SPP2: variants seen among roughly 807,000 people sequenced by gnomAD.
SPP2 encodes secreted phosphoprotein 24.
Under a neutral mutation model 28.8 loss-of-function variants are expected in SPP2, and 34 were observed. The observed-to-expected ratio is 1.18, with a 90% confidence interval of 0.90 to 1.57. SPP2 has a LOEUF of 1.57. Ranked by LOEUF, SPP2 falls within the 40% of genes most tolerant of loss-of-function variation. SPP2 has a pLI of 0.00. For missense variants in SPP2, 269 were observed against 263.9 expected, an observed-to-expected ratio of 1.02 and a Z score of -0.13; for synonymous variants, 96 against 89.4, an observed-to-expected ratio of 1.07 and a Z score of -0.42.
chr2:234,069,942 G>A lies in SPP2; in HGVS notation c.565G>A (p.Val189Ile), dbSNP rs993016427. 6.2e-6 allele frequency: 10 copies of A among 1,613,006 alleles called. No homozygotes were observed. The highest frequency in any genetic ancestry group is 8.5e-6 in the Non-Finnish European group (10 of 1,179,334). ...YDRSLGIMRR[V>I]LPPGNRRYPN... ...TCTATCTTTAGGGATCATGAGAAGG[G>A]TATTGCCTCCTGGAAACAGAAGGTA... is the stretch of plus-strand genomic sequence containing the variant. The change falls in exon 7 of 8, where the codon GTA becomes ATA. Residue 189 changes from valine (V) to isoleucine (I), a missense_variant. Transcript: ENST00000168148.
At chr2:234,072,028 A>T (rs768670654) in intron 7 of SPP2, among the ~76,000 whole-genome samples, 3 of 152,242 alleles carry the variant, frequency 2.0e-5, no homozygotes, top group African/African-American at 4.8e-5. Flanking sequence ...TTCAACTGCC[A>T]CTGTCCCGCA....
intron 4 of SPP2, among the ~76,000 whole-genome samples, chr2:234,065,818 T>C (rs1693808227): frequency 6.6e-6 from 1 of 152,368 alleles, no homozygotes; most frequent in Admixed American, 6.5e-5. Flanking sequence ...TTTTGTTTTG[T>C]TGTTTCTGTA....
intron 2 of SPP2, among the ~76,000 whole-genome samples, chr2:234,056,523 T>G (rs1213612640): frequency 1.3e-5 from 2 of 152,190 alleles, no homozygotes; most frequent in African/African-American, 4.8e-5. Context: ...CAAAAGAGGT[T>G]GCAAAGTTAT....
In SPP2 at chr2:234,066,628, T is replaced by C. The variant is rs752056584; in HGVS notation, c.499+41T>C. 3.4e-6 allele frequency: 5 copies of C among 1,464,316 alleles called. No homozygotes were observed. The South Asian group carries it at 4.7e-5, about 14-fold the overall frequency. The allele number at this position is 1,464,316 out of a possible 1,614,324, so 90.7% of individuals were successfully genotyped here. ...TTCTTTTTAACTTTTTTTCTTAAAA[T>C]AACTCCATATTGCAACTCTTTGTTA... is the stretch of plus-strand genomic sequence containing the variant. On this transcript the variant is annotated intron_variant, in intron 5 of 7. Coordinates refer to ENST00000168148, the MANE Select transcript of SPP2 (RefSeq NM_006944.3).
intron 4 of SPP2, among the ~76,000 whole-genome samples, chr2:234,063,122 G>A (rs1310079846): frequency 8.6e-5 from 13 of 151,958 alleles, no homozygotes; most frequent in Admixed American, 8.5e-4. Flanking sequence ...GCATGAAACA[G>A]AGAAGAAATG....
intron 6 of SPP2, among the ~76,000 whole-genome samples, chr2:234,067,507 G>A (rs999809166): frequency 1.3e-5 from 2 of 152,168 alleles, no homozygotes; most frequent in African/African-American, 4.8e-5. Context: ...GCCGGGCGCG[G>A]TGGCTCACGC....
chr2:234,068,126 G>T (rs1210746914), intron 6 of SPP2, among the ~76,000 whole-genome samples: 3 of 152,098 alleles, frequency 2.0e-5, no homozygotes, highest in Non-Finnish European at 4.4e-5. Flanking sequence ...TGGTCCTCAT[G>T]ATAGCCCTGT....
Position 234,077,117 on chromosome 2 carries a change from G to A in SPP2, c.*283G>A, listed in dbSNP as rs182771072. The A allele has an allele frequency of 6.6e-6, 1 of 152,266 alleles. No homozygotes were observed. The highest frequency in any genetic ancestry group is 1.5e-5 in the Non-Finnish European group (1 of 68,020). 9.4% of individuals were successfully genotyped at this position (152,266 alleles called of 1,614,324 possible). A position where few individuals can be genotyped will look rare whatever the true frequency, so the allele number is the denominator to read the frequency against. Reference sequence around the variant, plus strand: ...TGATCAGTTTCAATCTGTAATAAATGCCTTATTTTTCCTGTAAGACTTTTT... The same window carrying A: ...TGATCAGTTTCAATCTGTAATAAATACCTTATTTTTCCTGTAAGACTTTTT... On this transcript the variant is annotated 3_prime_UTR_variant, in exon 8 of 8. Coordinates refer to ENST00000168148, the MANE Select transcript of SPP2 (RefSeq NM_006944.3).
intron 5 of SPP2, 98 bp from the exon 6 acceptor site, chr2:234,067,126 T>C: frequency 8.6e-7 from 1 of 1,164,130 alleles, no homozygotes. Flanking sequence ...TCACTGCTTC[T>C]TTGCTTAAGA....
chr2:234,060,047 G>A (rs1193254430), intron 3 of SPP2, among the ~76,000 whole-genome samples: 1 of 152,222 alleles, frequency 6.6e-6, no homozygotes, highest in South Asian at 2.1e-4. Context: ...AAGAAGAAGA[G>A]AGTGAAGTCC....
At chr2:234,057,445 C>T (rs1693631907) in intron 2 of SPP2, among the ~76,000 whole-genome samples, 1 of 152,212 alleles carries the variant, frequency 6.6e-6, no homozygotes, top group Non-Finnish European at 1.5e-5. Flanking sequence ...AATTTGCCTT[C>T]CTTGGGAGGA....
chr2:234,052,580 C>T (rs1279240410), intron 2 of SPP2, among the ~76,000 whole-genome samples: 1 of 152,164 alleles, frequency 6.6e-6, no homozygotes. Context: ...TATAGTCACC[C>T]AGACTTGAGC....
At chr2:234,055,119 A>G (rs1693580152) in intron 2 of SPP2, among the ~76,000 whole-genome samples, 1 of 150,530 alleles carries the variant, frequency 6.6e-6, no homozygotes, top group South Asian at 2.2e-4. Context: ...GCATACATAT[A>G]TAAATGGATG....
rs1693659769 is a variant in SPP2, at chr2:234,058,831, T to C, written c.211-5T>C. 6.2e-7 allele frequency: 1 copy of C among 1,611,388 alleles called. No individual in the cohort carries two copies. Among genetic ancestry groups the C allele is most frequent in the African/African-American group, 1.3e-5 (1 of 74,806 alleles). Reference sequence around the variant, plus strand: ...ATCACACTCTGAAACTTTATTTTTGTGAAGGTTGAGGTCCTAGATGAGAAC... The same window carrying C: ...ATCACACTCTGAAACTTTATTTTTGCGAAGGTTGAGGTCCTAGATGAGAAC... On this transcript the variant is annotated splice_region_variant and splice_polypyrimidine_tract_variant and intron_variant, in intron 2 of 7. Transcript: ENST00000168148.
chr2:234,076,100 T>C (rs1690888500), intron 7 of SPP2, among the ~76,000 whole-genome samples: 1 of 152,182 alleles, frequency 6.6e-6, no homozygotes, highest in African/African-American at 2.4e-5. Context: ...AGAGTCATCT[T>C]ATAATGAGTC....
intron 4 of SPP2, among the ~76,000 whole-genome samples, chr2:234,064,774 C>T (rs760402980): frequency 1.6e-4 from 25 of 152,176 alleles, no homozygotes; most frequent in Non-Finnish European, 2.9e-5. Context: ...TGGATTTGTC[C>T]ATTCTGATCA....
chr2:234,052,190 T>C (rs1488102341), intron 2 of SPP2, among the ~76,000 whole-genome samples: 2 of 152,172 alleles, frequency 1.3e-5, no homozygotes, highest in Admixed American at 1.3e-4. Flanking sequence ...TGGAGTCACT[T>C]GCTCTGGATG....
At position 234,069,966 on chromosome 2, in the gene SPP2, TACCCAAACCACCGGC is replaced by T; in HGVS notation, c.592_606del (p.Pro198_His202del). On this transcript the variant is annotated inframe_deletion, in exon 7 of 8. Coordinates refer to ENST00000168148, the MANE Select transcript of SPP2 (RefSeq NM_006944.3). ...GGTATTGCCTCCTGGAAACAGAAGG[TACCCAAACCACCGGC>T]ACAGAGCAAGAATAAATACTGACTT... The T allele has an allele frequency of 6.2e-7, 1 of 1,613,504 alleles. No homozygotes were observed. The highest frequency in any genetic ancestry group is 8.5e-7 in the Non-Finnish European group (1 of 1,179,600).
intron 5 of SPP2, among the ~76,000 whole-genome samples, chr2:234,066,931 A>G (rs1226446580): frequency 6.6e-6 from 1 of 152,178 alleles, no homozygotes; most frequent in Non-Finnish European, 1.5e-5. Context: ...TCTGAATTCT[A>G]TCGTCTTTCA....
Sources: gnomAD v4.1 joint callset for allele counts (sites outside exome capture counted in the v4.1 genomes callset) on GRCh38, gnomAD v4.1.1 for gene constraint, MANE v1.5 for transcripts, NCBI Gene and HGNC (gene_info 2026-07-23, HGNC 2026-07-21) for gene names.